NNMT: variants seen among roughly 807,000 people sequenced by gnomAD.
NNMT encodes nicotinamide N-methyltransferase.
In NNMT, 10 loss-of-function variants were observed where a neutral mutation model predicts 11.7. The ratio of observed to expected loss-of-function variants is 0.85; its 90% CI spans 0.53 to 1.45. NNMT has a LOEUF of 1.45. Among genes scored for constraint, NNMT ranks in the 40% most tolerant of loss-of-function variants. The pLI is 0.00. For synonymous variants in NNMT, 143 were observed against 133.8 expected (o/e 1.07, Z -0.48); for missense variants, 381 against 319.4 (o/e 1.19, Z -1.47).
chr11:114,278,523 C>T lies in NNMT; in HGVS notation c.-130+15589C>T, dbSNP rs150713546. Reference sequence around the variant, plus strand: ...GAAGGCACTACTAATGTTCTGGGCACCTGGTGTGATAGAACAGGCCAGTGC... The same window carrying T: ...GAAGGCACTACTAATGTTCTGGGCATCTGGTGTGATAGAACAGGCCAGTGC... On this transcript the variant is annotated intron_variant, in intron 2 of 4. Coordinates refer to the NNMT transcript ENST00000535401. Among the ~76,000 whole-genome samples the T allele has an allele frequency of 1.1e-4, 16 of 152,110 alleles. No homozygotes were observed. The East Asian group carries it at 3.1e-3, about 29-fold the overall frequency.
intron 2 of NNMT, among the ~76,000 whole-genome samples, chr11:114,270,801 T>C (rs12289212): frequency 0.03 from 4,579 of 152,104 alleles, 203 homozygotes; most frequent in African/African-American, 0.1. Context: ...TTTTTTTTTT[T>C]TCTCGCTTTG....
intron 2 of NNMT, among the ~76,000 whole-genome samples, chr11:114,277,166 TGAGCC>T (rs201484394): frequency 0.043 from 6,553 of 152,128 alleles, 153 homozygotes; most frequent in Non-Finnish European, 0.051. Context: ...GAGGTTGCAG[TGAGCC>T]GAGATCTTGC....
upstream of NNMT, among the ~76,000 whole-genome samples, chr11:114,294,415 T>C (rs1012514444): frequency 2.0e-5 from 3 of 149,132 alleles, no homozygotes; most frequent in African/African-American, 5.0e-5. Flanking sequence ...GAGGTGAAGG[T>C]TGCAGTGAGC....
chr11:114,291,650 T>C (rs927330243), upstream of NNMT, among the ~76,000 whole-genome samples: 7 of 152,122 alleles, frequency 4.6e-5, no homozygotes, highest in African/African-American at 1.7e-4. Flanking sequence ...TCCTCAGGTG[T>C]CCAGCATTCC....
At chr11:114,263,915 T>C (rs1168972864) in intron 2 of NNMT, among the ~76,000 whole-genome samples, 2 of 152,214 alleles carry the variant, frequency 1.3e-5, no homozygotes, top group African/African-American at 4.8e-5. Flanking sequence ...TCCCATATCA[T>C]GCCTTCCTGC....
At chr11:114,275,669 T>C (rs563427389) in intron 2 of NNMT, among the ~76,000 whole-genome samples, 52 of 152,298 alleles carry the variant, frequency 3.4e-4, no homozygotes, top group Admixed American at 5.9e-4. Context: ...GGTTTTGTGT[T>C]AGAATATTCT....
At chr11:114,301,374 T>G (rs1354967198) in intron 2 of NNMT, among the ~76,000 whole-genome samples, 6 of 152,206 alleles carry the variant, frequency 3.9e-5, no homozygotes. Context: ...AACCAAGATG[T>G]CTTTCAGTAA....
intron 2 of NNMT, among the ~76,000 whole-genome samples, chr11:114,301,547 A>G (rs1945439321): frequency 6.6e-6 from 1 of 152,190 alleles, no homozygotes; most frequent in South Asian, 2.1e-4. Flanking sequence ...TTCCAACTAT[A>G]TGACATTCTG....
At chr11:114,308,746 G>T (rs962800620) in intron 2 of NNMT, among the ~76,000 whole-genome samples, 1 of 152,104 alleles carries the variant, frequency 6.6e-6, no homozygotes, top group African/African-American at 2.4e-5. Context: ...TGGGTCTCTG[G>T]TGAGTCCATT....
intron 2 of NNMT, among the ~76,000 whole-genome samples, chr11:114,263,663 T>A (rs1945100454): frequency 6.6e-6 from 1 of 152,232 alleles, no homozygotes; most frequent in Non-Finnish European, 1.5e-5. Flanking sequence ...CTCCCCTGTA[T>A]GCCGTTCAAA....
chr11:114,308,161 A>C (rs186250629), intron 2 of NNMT, among the ~76,000 whole-genome samples: 9 of 152,304 alleles, frequency 5.9e-5, no homozygotes, highest in Admixed American at 2.0e-4. Context: ...TTCCTCCTAG[A>C]ATATCATTCA....
At chr11:114,282,044 T>C (rs1251224662) in intron 2 of NNMT, among the ~76,000 whole-genome samples, 1 of 150,398 alleles carries the variant, frequency 6.6e-6, no homozygotes, top group Non-Finnish European at 1.5e-5. Context: ...CTGGGCAATG[T>C]AGTGAGATCT....
At chr11:114,309,170 T>G (rs1488405924) in intron 2 of NNMT, among the ~76,000 whole-genome samples, 1 of 152,252 alleles carries the variant, frequency 6.6e-6, no homozygotes, top group Non-Finnish European at 1.5e-5. Flanking sequence ...TTATTATTCC[T>G]ATGTGCAGAT....
At chr11:114,269,375 A>C (rs894824800) in intron 2 of NNMT, 1 of 152,184 alleles carries the variant, frequency 6.6e-6, no homozygotes, top group African/African-American at 2.4e-5. Context: ...TTCTGGGCAG[A>C]CTGAGTTCCT....
intron 2 of NNMT, among the ~76,000 whole-genome samples, chr11:114,275,690 G>A (rs1193043160): frequency 1.3e-5 from 2 of 152,120 alleles, no homozygotes; most frequent in Non-Finnish European, 2.9e-5. Flanking sequence ...GATATCTTGC[G>A]AGTGTGTGTA....
intron 2 of NNMT, among the ~76,000 whole-genome samples, chr11:114,267,869 C>T (rs922183594): frequency 2.0e-5 from 3 of 152,216 alleles, no homozygotes; most frequent in African/African-American, 7.2e-5. Flanking sequence ...CGTATCCTCA[C>T]TCAGTCTGTA....
intron 2 of NNMT, among the ~76,000 whole-genome samples, chr11:114,311,248 T>C (rs200718151): frequency 1.3e-5 from 2 of 152,282 alleles, no homozygotes; most frequent in East Asian, 3.9e-4. Flanking sequence ...GAGGATCCCT[T>C]GAGCCCAGGA....
At chr11:114,274,109 G>A (rs1945194712) in intron 2 of NNMT, among the ~76,000 whole-genome samples, 1 of 152,174 alleles carries the variant, frequency 6.6e-6, no homozygotes, top group Admixed American at 6.5e-5. Flanking sequence ...GTCTAAGGCT[G>A]TTAGTGCAGA....
At chr11:114,280,996 C>A (rs1282571434) in intron 2 of NNMT, among the ~76,000 whole-genome samples, 1 of 152,186 alleles carries the variant, frequency 6.6e-6, no homozygotes, top group Non-Finnish European at 1.5e-5. Context: ...CTACATGTTG[C>A]CTCACCTCCA....
Sources: gnomAD v4.1 joint callset for allele counts (sites outside exome capture counted in the v4.1 genomes callset) on GRCh38, gnomAD v4.1.1 for gene constraint, MANE v1.5 for transcripts, NCBI Gene and HGNC (gene_info 2026-07-23, HGNC 2026-07-21) for gene names.